Variants in LAMB2 observed in about 807,000 individuals in gnomAD.
LAMB2 encodes the protein laminin subunit beta-2.
LAMB2 carries 119 observed loss-of-function variants against 202.7 expected under a neutral mutation model. The ratio of observed to expected loss-of-function variants is 0.59; its 90% confidence interval spans 0.51 to 0.68. The LOEUF is 0.68. Among genes scored for constraint, LAMB2 ranks in the 30% least tolerant of loss-of-function variants. LAMB2 has a pLI of 0.00. For synonymous variants in LAMB2, 818 were observed against 902.2 expected (o/e 0.91, Z 1.67); for missense variants, 2,124 against 2,410.6 (o/e 0.88, Z 2.49).
At position 49,129,708 on chromosome 3, in the gene LAMB2, A is replaced by C. The variant is rs746963326; in HGVS notation, c.1414T>G (p.Cys472Gly). The C allele has an allele frequency of 6.2e-7, 1 of 1,613,898 alleles. No homozygotes were observed. The highest frequency in any genetic ancestry group is 8.5e-7 in the Non-Finnish European group (1 of 1,179,800). ...CCAGGCACTGTGCCCCGTGCATTAC[A>C]TTGACATCCTGCAGGGAAGGAGAAC... ...SDRLGCRRCQCNARGTVPGST... is the reference protein window; with the variant it reads ...SDRLGCRRCQGNARGTVPGST... Residue 472 changes from cysteine to glycine, a missense_variant, in exon 11 of 32, where the codon TGT becomes GGT. By Grantham distance (159) the Cys-to-Gly change is radical. Coordinates refer to ENST00000305544, the MANE Select transcript of LAMB2 (RefSeq NM_002292.4). This position sits in a 1 kb window ranked among gnomAD's most constrained non-coding sequence, Gnocchi z 6.1.
chr3:49,126,112 AC>A lies in LAMB2; in HGVS notation c.2198del (p.Gly733ValfsTer59). On this transcript the variant is annotated frameshift_variant, in exon 17 of 32. Transcript: ENST00000305544. LOFTEE classifies it high-confidence loss of function. The stretch of plus-strand genomic sequence containing the variant: ...CCTGGCGCTCCAGGGCAGCAGCATC[AC>A]CCCCACTAAACATCTCTAGCACCAG... ...RVLVLEMFSG[G>X]DAAALERQAT... The A allele has an allele frequency of 6.2e-7, 1 of 1,613,572 alleles. No individual in the cohort carries two copies. Among genetic ancestry groups the A allele is most frequent in the Non-Finnish European group, 8.5e-7 (1 of 1,179,990 alleles).
At position 49,129,767 on chromosome 3, in the gene LAMB2, TG is replaced by T; in HGVS notation, c.1406-52del. 1 of 1,609,650 alleles carries T rather than the reference TG, an allele frequency of 6.2e-7. No individual in the cohort carries two copies. The highest frequency in any genetic ancestry group is 1.3e-5 in the African/African-American group (1 of 74,912). On this transcript the variant is annotated intron_variant, in intron 10 of 31. Coordinates refer to ENST00000305544, the MANE Select transcript of LAMB2 (RefSeq NM_002292.4). The surrounding 1 kb of genome is among the most constrained non-coding windows in gnomAD (Gnocchi z 6.1). ...CTTTGGGAAACTGTGGCAGTGCTCA[TG>T]TTCAGCTGAGTCAGGAGTAAGAGGA...
At position 49,130,166 on chromosome 3, in the gene LAMB2, A is replaced by C; in HGVS notation, c.1225+65T>G. On this transcript the variant is annotated intron_variant, in intron 9 of 31. Coordinates refer to ENST00000305544, the MANE Select transcript of LAMB2 (RefSeq NM_002292.4). This position sits in a 1 kb window ranked among gnomAD's most constrained non-coding sequence, Gnocchi z 5.0. ...CCCAATTTCCTGCAATTTAGACAGC[A>C]GTCCAGCTCTCTAGTTCCTGCCCCA... 2 of 1,591,506 alleles carry C rather than the reference A, an allele frequency of 1.3e-6. No homozygotes were observed. Among genetic ancestry groups the C allele is most frequent in the Non-Finnish European group, 1.7e-6 (2 of 1,162,072 alleles).
Position 49,122,086 on chromosome 3 carries a change from C to A in LAMB2, c.4782-1G>T. The A allele has an allele frequency of 6.2e-7, 1 of 1,613,420 alleles. No individual in the cohort carries two copies. The highest frequency in any genetic ancestry group is 8.5e-7 in the Non-Finnish European group (1 of 1,180,022). ...CTGTTTCTCATCCTCAGCCCAGCTC[C>A]TGGGGAGAAGGGGGAATCAGAACCT... On this transcript the variant is annotated splice_acceptor_variant, in intron 28 of 31. Coordinates refer to ENST00000305544, the MANE Select transcript of LAMB2 (RefSeq NM_002292.4). LOFTEE classifies it high-confidence loss of function.
In LAMB2 at chr3:49,131,481, C is replaced by T. The variant is rs117284836; in HGVS notation, c.649-39G>A. 1,059 of 1,613,748 alleles carry T rather than the reference C, an allele frequency of 6.6e-4. 9 individuals are homozygous for T. The East Asian group carries it at 0.016, about 25-fold the overall frequency. On this transcript the variant is annotated intron_variant, in intron 5 of 31. Coordinates refer to ENST00000305544, the MANE Select transcript of LAMB2 (RefSeq NM_002292.4). This position sits in a 1 kb window ranked among gnomAD's most constrained non-coding sequence, Gnocchi z 5.0. ...GAGTTCATAGTCACACTGGACCTTG[C>T]CTCAGGCCCATCATCCCCAGCTTCC...
rs1404229598 is a variant in LAMB2, at chr3:49,121,938, C to T, written c.4923+6G>A. On this transcript the variant is annotated splice_donor_region_variant and intron_variant, in intron 29 of 31. Coordinates refer to ENST00000305544, the MANE Select transcript of LAMB2 (RefSeq NM_002292.4). ...TTGTCCCACTGATGTCCTAGGAAGACCTCACCTGGTACAGGGTCTGCTCTG... is the reference window on the plus strand; with the variant it reads ...TTGTCCCACTGATGTCCTAGGAAGATCTCACCTGGTACAGGGTCTGCTCTG... 1 of 1,613,902 alleles carries T rather than the reference C, an allele frequency of 6.2e-7. No homozygotes were observed. Among genetic ancestry groups the T allele is most frequent in the African/African-American group, 1.3e-5 (1 of 74,936 alleles).
At chr3:49,127,471 G>GGGCA (rs1369683991) in intron 15 of LAMB2, among the ~76,000 whole-genome samples, 3 of 151,804 alleles carry the variant, frequency 2.0e-5, no homozygotes, top group African/African-American at 4.8e-5. Flanking sequence ...CGAGAAAGGT[G>GGGCA]GATCACAAGG....
chr3:49,132,196 C>A lies in LAMB2; in HGVS notation c.386-7G>T, dbSNP rs781283599. On this transcript the variant is annotated splice_polypyrimidine_tract_variant and splice_region_variant and intron_variant, in intron 3 of 31. Coordinates refer to ENST00000305544, the MANE Select transcript of LAMB2 (RefSeq NM_002292.4). This position sits in a 1 kb window ranked among gnomAD's most constrained non-coding sequence, Gnocchi z 4.6. ...ATGGTGACCGCAGGGATACCTGGGA[C>A]AGGAATCGGAAGTCAAGGACTCAAA... 2 of 1,614,182 alleles carry A rather than the reference C, an allele frequency of 1.2e-6. No individual in the cohort carries two copies. Among genetic ancestry groups the A allele is most frequent in the African/African-American group, 1.3e-5 (1 of 75,058 alleles).
chr3:49,123,058 A>G lies in LAMB2; in HGVS notation c.4225-6T>C. 1 of 1,606,902 alleles carries G rather than the reference A, an allele frequency of 6.2e-7. No homozygotes were observed. Among genetic ancestry groups the G allele is most frequent in the East Asian group, 2.2e-5 (1 of 44,892 alleles). Reference sequence around the variant, plus strand: ...TCCCCTGGTGCCCCACACACCTGCCAGGCACAGAACAAGTCAGGGCCCTGT... The same window carrying G: ...TCCCCTGGTGCCCCACACACCTGCCGGGCACAGAACAAGTCAGGGCCCTGT... On this transcript the variant is annotated splice_region_variant and splice_polypyrimidine_tract_variant and intron_variant, in intron 26 of 31. Coordinates refer to ENST00000305544, the MANE Select transcript of LAMB2 (RefSeq NM_002292.4).
Position 49,122,920 on chromosome 3 carries a change from G to C in LAMB2, c.4357C>G (p.Leu1453Val). The change falls in exon 27 of 32, where the codon CTG becomes GTG. Residue 1453 changes from leucine (L) to valine (V), a missense_variant. By Grantham distance (32) the Leu-to-Val change is conservative. This residue lies in a region of LAMB2 where 1,702 missense variants were observed against 1,896.3 expected (regional missense o/e 0.90). Coordinates refer to ENST00000305544, the MANE Select transcript of LAMB2 (RefSeq NM_002292.4). ...NGAAATADLA[L>V]GRARHTQAEL... ...GCCTGTGTGTGCCGGGCCCGGCCCA[G>C]TGCTAGGTCTGCTGTAGCCGCTGCC... 3 of 1,609,258 alleles carry C rather than the reference G, an allele frequency of 1.9e-6. No individual in the cohort carries two copies. The highest frequency in any genetic ancestry group is 1.3e-5 in the African/African-American group (1 of 75,034).
chr3:49,124,690 C>A lies in LAMB2; in HGVS notation c.3109+11G>T. 1 of 1,614,140 alleles carries A rather than the reference C, an allele frequency of 6.2e-7. No individual in the cohort carries two copies. ...CCCAATTCAGCCATGCCCTCCCACACTCATACTCACGGTGACAGCTCTGTC... is the reference window on the plus strand; with the variant it reads ...CCCAATTCAGCCATGCCCTCCCACAATCATACTCACGGTGACAGCTCTGTC... On this transcript the variant is annotated intron_variant, in intron 21 of 31. Transcript: ENST00000305544.
In LAMB2 at chr3:49,122,973, G is replaced by A. The variant is rs140968382; in HGVS notation, c.4304C>T (p.Pro1435Leu). The change falls in exon 27 of 32, where the codon CCG becomes CTG. Residue 1435 changes from proline to leucine, a missense_variant. Around this residue, in one of 3 missense-constraint regions of LAMB2, gnomAD observed 1,702 missense variants for 1,896.3 expected, o/e 0.90. Coordinates refer to ENST00000305544, the MANE Select transcript of LAMB2 (RefSeq NM_002292.4). ...GAGCRDEDGQ[P>L]RCGGLSCNGA... ...ATTGCAGCTGAGGCCCCCACAGCGC[G>A]GCTGCCCATCCTCATCTCGACAGCC... 4.8e-5 allele frequency: 78 copies of A among 1,608,878 alleles called. No individual in the cohort carries two copies. The African/African-American group carries it at 4.9e-4, about 10-fold the overall frequency.
chr3:49,125,919 G>A, intron 17 of LAMB2, 29 bp from the exon 18 acceptor site: 1 of 1,614,154 alleles, frequency 6.2e-7, no homozygotes, highest in Non-Finnish European at 8.5e-7. Context: ...GGCCAAGTCA[G>A]GCTGGGTCCC....
chr3:49,128,505 C>G lies in LAMB2; in HGVS notation c.1971G>C (p.Leu657Phe), dbSNP rs777566654. The G allele has an allele frequency of 6.2e-7, 1 of 1,614,052 alleles. No individual in the cohort carries two copies. Among genetic ancestry groups the G allele is most frequent in the African/African-American group, 1.3e-5 (1 of 74,938 alleles). ...PVPAHSLCGH[L>F]VPKDDRIQGT... ...CTTGGATGCGATCATCCTTGGGCAC[C>G]AAATGCCCACACAGGCTGTGGGCAG... Residue 657 changes from leucine (L) to phenylalanine (F), a missense_variant, in exon 15 of 32, where the codon TTG becomes TTC. Physicochemically the swap from Leu to Phe is conservative, Grantham distance 22. Transcript: ENST00000305544.
Position 49,126,147 on chromosome 3 carries a change from G to A in LAMB2, c.2164C>T (p.Pro722Ser). 2.5e-6 allele frequency: 4 copies of A among 1,612,588 alleles called. No homozygotes were observed. The highest frequency in any genetic ancestry group is 3.4e-6 in the Non-Finnish European group (4 of 1,179,962). The change falls in exon 17 of 32, where the codon CCC (proline) becomes TCC (serine). Residue 722 changes from proline (P) to serine (S), a missense_variant. Transcript: ENST00000305544. ...GLLIDSLVLL[P>S]RVLVLEMFSG... ...AACATCTCTAGCACCAGGACACGGG[G>A]CAGCAGCACCAGCTGAAGGAGTGAG...
Position 49,122,247 on chromosome 3 carries a change from A to C in LAMB2, c.4697T>G (p.Leu1566Arg). Residue 1566 changes from leucine (L) to arginine (R), a missense_variant, in exon 28 of 32, where the codon CTG becomes CGG. This residue lies in a region of LAMB2 where 1,702 missense variants were observed against 1,896.3 expected (regional missense o/e 0.90). Transcript: ENST00000305544. Reference sequence around the variant, plus strand: ...TGCCAGGATCGCATCCACATCTGCCAGGCTCCGGACTCGCTCTGCAATCGC... The same window carrying C: ...TGCCAGGATCGCATCCACATCTGCCCGGCTCCGGACTCGCTCTGCAATCGC... ...AGAIAERVRS[L>R]ADVDAILART... The C allele has an allele frequency of 1.9e-6, 3 of 1,613,486 alleles. No individual in the cohort carries two copies. Among genetic ancestry groups the C allele is most frequent in the Non-Finnish European group, 2.5e-6 (3 of 1,180,030 alleles).
Position 49,125,861 on chromosome 3 carries a change from T to C in LAMB2, c.2374A>G (p.Ser792Gly). 6.2e-7 allele frequency: 1 copy of C among 1,613,998 alleles called. No homozygotes were observed. The highest frequency in any genetic ancestry group is 8.5e-7 in the Non-Finnish European group (1 of 1,179,978). ...PCQCNPQGSL[S>G]SECNPHGGQC... Reference sequence around the variant, plus strand: ...CCACCATGAGGGTTGCACTCAGAACTCAGTGAACCTTGAGGGTTGCACTGA... The same window carrying C: ...CCACCATGAGGGTTGCACTCAGAACCCAGTGAACCTTGAGGGTTGCACTGA... Residue 792 changes from serine to glycine, a missense_variant, in exon 18 of 32, where the codon AGT becomes GGT. By Grantham distance (56) the Ser-to-Gly change is moderately conservative. This residue lies in a region of LAMB2 where 1,702 missense variants were observed against 1,896.3 expected (regional missense o/e 0.90). Coordinates refer to ENST00000305544, the MANE Select transcript of LAMB2 (RefSeq NM_002292.4).
Position 49,121,748 on chromosome 3 carries a change from A to G in LAMB2, c.5036T>C (p.Leu1679Pro). 6.2e-7 allele frequency: 1 copy of G among 1,613,784 alleles called. No individual in the cohort carries two copies. The highest frequency in any genetic ancestry group is 8.5e-7 in the Non-Finnish European group (1 of 1,180,014). ...ALKLKRAGNS[L>P]AASTAEETAG... ...CGTTTCTTCTGCTGTAGAGGCTGCC[A>G]GACTATTTCCTGCCCGTTTCAATTT... Residue 1679 changes from leucine to proline, a missense_variant, in exon 30 of 32, where the codon CTG (leucine) becomes CCG (proline). Physicochemically the swap from Leu to Pro is moderately conservative, Grantham distance 98. Around this residue, in one of 3 missense-constraint regions of LAMB2, gnomAD observed 1,702 missense variants for 1,896.3 expected, o/e 0.90. Transcript: ENST00000305544.
In LAMB2 at chr3:49,129,116, C is replaced by G. The variant is rs752206770; in HGVS notation, c.1635G>C (p.Gln545His). The G allele has an allele frequency of 5.6e-6, 9 of 1,614,036 alleles. No homozygotes were observed. The highest frequency in any genetic ancestry group is 7.6e-6 in the Non-Finnish European group (9 of 1,180,046). ...GCTCACAGCGTCGCCCAACCATGTG[C>G]TGGCGGCAGTGGCATTGACCTGTGC... ...DEGTGQCHCR[Q>H]HMVGRRCEQV... The change falls in exon 13 of 32, where the codon CAG (glutamine) becomes CAC (histidine). Residue 545 changes from glutamine (Q) to histidine (H), a missense_variant. This residue lies in a region of LAMB2 where 1,702 missense variants were observed against 1,896.3 expected (regional missense o/e 0.90). Transcript: ENST00000305544. The surrounding 1 kb of genome is among the most constrained non-coding windows in gnomAD (Gnocchi z 6.1).
Sources: allele counts gnomAD v4.1 joint callset (sites outside exome capture counted in the v4.1 genomes callset), GRCh38; gene constraint gnomAD v4.1.1; regional missense constraint gnomAD v4.1.1; non-coding constraint Gnocchi (gnomAD v3.1); transcripts MANE v1.5; gene names NCBI Gene and HGNC (gene_info 2026-07-23, HGNC 2026-07-21).